The following PPM1L variants were observed in gnomAD, a reference collection of about 807,000 sequenced individuals.
PPM1L encodes the protein protein phosphatase, Mg2+/Mn2+ dependent 1L, also known as protein phosphatase 1L.
PPM1L carries 13 observed loss-of-function variants against 31.4 expected under a neutral mutation model. The observed-to-expected ratio is 0.41, with a 90% confidence interval of 0.27 to 0.66. PPM1L has a LOEUF of 0.66. Among genes scored for constraint, PPM1L ranks in the 30% least tolerant of loss-of-function variants. The probability of loss-of-function intolerance (pLI) is 0.29; values close to 1 mark genes in which losing one functional copy is unlikely to be tolerated. For synonymous variants in PPM1L, 184 were observed against 175.4 expected, an observed-to-expected ratio of 1.05 and a Z score of -0.39; for missense variants, 326 against 453.7, an observed-to-expected ratio of 0.72 and a Z score of 2.56.
At chr3:160,823,404 G>A (rs1182815616) in intron 1 of PPM1L, among the ~76,000 whole-genome samples, 5 of 150,054 alleles carry the variant, frequency 3.3e-5, no homozygotes, top group African/African-American at 1.2e-4. Flanking sequence ...GTAGAGATCG[G>A]GTTTCGCCAT....
At chr3:160,771,483 T>A (rs564867941) in intron 1 of PPM1L, among the ~76,000 whole-genome samples, 45 of 150,594 alleles carry the variant, frequency 3.0e-4, no homozygotes, top group African/African-American at 8.3e-4. Context: ...GCTCAAGCAA[T>A]CTGCCCTCCT....
rs370915156 is a variant in PPM1L, at chr3:160,907,717, G to A, written c.400-54019G>A. ...AAAGTGTTCCTGGGCTAGCAACAGT[G>A]GGAAACTATCACTACCCCAAGCATG... is the stretch of plus-strand genomic sequence containing the variant. On this transcript the variant is annotated intron_variant, in intron 1 of 3. Coordinates refer to ENST00000498165, the MANE Select transcript of PPM1L (RefSeq NM_139245.4). 3.3e-4 allele frequency among the ~76,000 whole-genome samples: 51 copies of A among 152,276 alleles called. 1 individual carries two copies. The South Asian group carries it at 0.01, about 30-fold the overall frequency.
intron 2 of PPM1L, among the ~76,000 whole-genome samples, chr3:160,978,820 A>T (rs1279401949): frequency 6.6e-6 from 1 of 152,028 alleles, no homozygotes; most frequent in African/African-American, 2.4e-5. Flanking sequence ...ACAGAGCAAG[A>T]CCCAGTTAAA....
chr3:161,036,766 A>T (rs1718753719), intron 2 of PPM1L, among the ~76,000 whole-genome samples: 1 of 152,204 alleles, frequency 6.6e-6, no homozygotes, highest in Non-Finnish European at 1.5e-5. Context: ...ATTCGTATTG[A>T]TTGCTGCAAA....
intron 2 of PPM1L, among the ~76,000 whole-genome samples, chr3:161,015,512 A>G (rs1718057613): frequency 6.6e-6 from 1 of 152,166 alleles, no homozygotes; most frequent in Admixed American, 6.6e-5. Context: ...AGCTGCACTC[A>G]CTAATTAAAT....
At chr3:160,897,772 C>G (rs543160313) in intron 1 of PPM1L, among the ~76,000 whole-genome samples, 6 of 152,348 alleles carry the variant, frequency 3.9e-5, no homozygotes, top group Admixed American at 2.6e-4. Flanking sequence ...AATAGCAGAG[C>G]TAAAAGCTCC....
chr3:160,793,763 C>G (rs1278408556), intron 1 of PPM1L, among the ~76,000 whole-genome samples: 1 of 152,138 alleles, frequency 6.6e-6, no homozygotes, highest in East Asian at 1.9e-4. Flanking sequence ...AGGTGTAAAA[C>G]AAAGGTGCAT....
intron 2 of PPM1L, among the ~76,000 whole-genome samples, chr3:160,965,455 T>A (rs1378870267): frequency 6.6e-6 from 1 of 152,086 alleles, no homozygotes; most frequent in East Asian, 1.9e-4. Flanking sequence ...CTAAATTACA[T>A]GAGATTCAAC....
chr3:160,935,077 C>T (rs1714923281), intron 1 of PPM1L, among the ~76,000 whole-genome samples: 1 of 152,016 alleles, frequency 6.6e-6, no homozygotes. Flanking sequence ...AGCCCCAAAC[C>T]CTGAAGGTAA....
Position 161,075,615 on chromosome 3 carries a change from T to A in PPM1L, c.*6458T>A, listed in dbSNP as rs1277608643. The A allele has an allele frequency of 6.6e-6, 1 of 152,114 alleles. No individual in the cohort carries two copies. Among genetic ancestry groups the A allele is most frequent in the Non-Finnish European group, 1.5e-5 (1 of 68,018 alleles). The allele number at this position is 152,114 out of a possible 1,614,324, so 9.4% of individuals were successfully genotyped here. On this transcript the variant is annotated 3_prime_UTR_variant, in exon 4 of 4. Transcript: ENST00000498165. ...ATTGTAAAATCAGTTTCCAGTGTGGTCAAAATTAGAATGTAAAGGAAAGCA... is the reference window on the plus strand; with the variant it reads ...ATTGTAAAATCAGTTTCCAGTGTGGACAAAATTAGAATGTAAAGGAAAGCA...
chr3:161,029,532 T>A (rs1718501983), intron 2 of PPM1L, among the ~76,000 whole-genome samples: 1 of 152,234 alleles, frequency 6.6e-6, no homozygotes, highest in Admixed American at 6.5e-5. Context: ...GGATATTTTT[T>A]ATTTCCACCA....
intron 1 of PPM1L, among the ~76,000 whole-genome samples, chr3:160,805,664 G>A (rs550594592): frequency 3.1e-4 from 47 of 152,326 alleles, no homozygotes; most frequent in African/African-American, 1.1e-3. Flanking sequence ...GGAGGTTGCA[G>A]TGAGCCGAGA....
At chr3:160,809,140 A>C (rs1000818006) in intron 1 of PPM1L, among the ~76,000 whole-genome samples, 1 of 152,140 alleles carries the variant, frequency 6.6e-6, no homozygotes, top group African/African-American at 2.4e-5. Context: ...TGGAAATGTA[A>C]AGTTCTGATC....
intron 1 of PPM1L, among the ~76,000 whole-genome samples, chr3:160,909,759 C>T (rs1302935859): frequency 2.6e-5 from 4 of 152,140 alleles, no homozygotes; most frequent in South Asian, 2.1e-4. Flanking sequence ...GCCAAGGAGT[C>T]GGGGAGTTTT....
intron 1 of PPM1L, among the ~76,000 whole-genome samples, chr3:160,914,133 G>A (rs1219848190): frequency 6.6e-6 from 1 of 152,080 alleles, no homozygotes; most frequent in East Asian, 1.9e-4. Context: ...CATTCTAATA[G>A]GTGTGTATTG....
chr3:160,841,087 A>C (rs1179615417), intron 1 of PPM1L, among the ~76,000 whole-genome samples: 1 of 152,214 alleles, frequency 6.6e-6, no homozygotes, highest in Admixed American at 6.5e-5. Context: ...TGTGGACCCA[A>C]GGCAGAAATG....
intron 2 of PPM1L, among the ~76,000 whole-genome samples, chr3:161,025,872 A>C (rs1363870108): frequency 2.0e-5 from 3 of 152,246 alleles, no homozygotes; most frequent in Non-Finnish European, 4.4e-5. Context: ...GGAAATTAAT[A>C]GTTCCATGTA....
chr3:160,853,444 C>T (rs949300438), intron 1 of PPM1L, among the ~76,000 whole-genome samples: 11 of 152,106 alleles, frequency 7.2e-5, no homozygotes, highest in African/African-American at 2.7e-4. Flanking sequence ...TTTTCCCTTT[C>T]CCAGTAATCA....
intron 2 of PPM1L, among the ~76,000 whole-genome samples, chr3:161,063,326 A>G (rs1719628764): frequency 6.6e-6 from 1 of 152,188 alleles, no homozygotes; most frequent in South Asian, 2.1e-4. Context: ...CCATGAAATT[A>G]GTCTTTTTTT....
Sources: allele counts gnomAD v4.1 joint callset (sites outside exome capture counted in the v4.1 genomes callset), GRCh38; gene constraint gnomAD v4.1.1; transcripts MANE v1.5; gene names NCBI Gene and HGNC (gene_info 2026-07-23, HGNC 2026-07-21).